The following ERCC6 variants were observed in gnomAD, a reference collection of about 807,000 sequenced individuals.
The protein encoded by ERCC6 is DNA excision repair protein ERCC-6.
ERCC6 carries 116 observed loss-of-function variants against 158.7 expected under a neutral mutation model. That is an observed-to-expected ratio of 0.73 (90% CI 0.63 to 0.85). The LOEUF is 0.85. ERCC6 is among the 40% of genes least tolerant of loss of function. The pLI is 0.00. For synonymous variants in ERCC6, 678 were observed against 659.3 expected, an observed-to-expected ratio of 1.03 and a Z score of -0.43; for missense variants, 1,698 against 1,799.4, an observed-to-expected ratio of 0.94 and a Z score of 1.02.
At chr10:49,525,181 T>C (rs4253042) in intron 4 of ERCC6, 41,981 of 217,030 alleles carry the variant, frequency 0.19, 4,942 homozygotes, top group South Asian at 0.33. Flanking sequence ...TCAGATGGAC[T>C]TAAATTCAAG....
intron 1 of ERCC6, among the ~76,000 whole-genome samples, chr10:49,538,567 C>T (rs1564449920): frequency 6.6e-6 from 1 of 152,212 alleles, no homozygotes; most frequent in Non-Finnish European, 1.5e-5. Context: ...CGCCCACACT[C>T]TTATCAATTT....
chr10:49,525,520 C>T (rs1456216509), intron 4 of ERCC6, among the ~76,000 whole-genome samples: 1 of 152,134 alleles, frequency 6.6e-6, no homozygotes, highest in Non-Finnish European at 1.5e-5. Flanking sequence ...CAGAAAGTAT[C>T]CCTCTTTCAT....
chr10:49,501,489 T>C (rs1440419703), intron 6 of ERCC6: 1 of 152,198 alleles, frequency 6.6e-6, no homozygotes, highest in East Asian at 1.9e-4. Flanking sequence ...AAAACAGAAG[T>C]TGATATTTTT....
intron 18 of ERCC6, among the ~76,000 whole-genome samples, chr10:49,468,964 C>T (rs1215737292): frequency 1.6e-5 from 2 of 123,580 alleles, no homozygotes; most frequent in African/African-American, 6.1e-5. Flanking sequence ...AATACCCCTA[C>T]TAATGGATTA....
chr10:49,513,077 C>CT (rs1836850445), intron 5 of ERCC6, among the ~76,000 whole-genome samples: 1 of 152,172 alleles, frequency 6.6e-6, no homozygotes, highest in South Asian at 2.1e-4. Flanking sequence ...AGCTAGTGGG[C>CT]ATGTAACAAG....
chr10:49,477,577 C>T (rs1372431051), intron 11 of ERCC6, among the ~76,000 whole-genome samples: 1 of 152,154 alleles, frequency 6.6e-6, no homozygotes, highest in Non-Finnish European at 1.5e-5. Flanking sequence ...CTTTCCAGGT[C>T]ACCCTACTCA....
chr10:49,469,832 GTTACT>G (rs1253676061), intron 18 of ERCC6, among the ~76,000 whole-genome samples: 1 of 152,130 alleles, frequency 6.6e-6, no homozygotes, highest in African/African-American at 2.4e-5. Flanking sequence ...CCCTTATGAT[GTTACT>G]TTAATCTCCT....
chr10:49,473,445 C>A, intron 14 of ERCC6, 32 bp downstream of exon 14: 1 of 1,340,652 alleles, frequency 7.5e-7, no homozygotes, highest in Non-Finnish European at 1.1e-6. Flanking sequence ...ACAGCAGCAC[C>A]ACTCAACTTC....
intron 10 of ERCC6, among the ~76,000 whole-genome samples, chr10:49,480,953 G>T (rs1850968121): frequency 6.6e-6 from 1 of 152,158 alleles, no homozygotes; most frequent in African/African-American, 2.4e-5. Flanking sequence ...GGAAACTACT[G>T]GAACTGACAA....
At chr10:49,513,115 T>C (rs1464148277) in intron 5 of ERCC6, among the ~76,000 whole-genome samples, 2 of 152,192 alleles carry the variant, frequency 1.3e-5, no homozygotes, top group Non-Finnish European at 2.9e-5. Context: ...GAGTGCCTGA[T>C]GTATGCCAAA....
At position 49,507,510 on chromosome 10, in the gene ERCC6, G is replaced by A. The variant is rs117820507; in HGVS notation, c.1398-1498C>T. 6.7e-3 allele frequency among the ~76,000 whole-genome samples: 1,020 copies of A among 152,028 alleles called. 4 individuals are homozygous for A. The highest frequency in any genetic ancestry group is 0.011 in the Non-Finnish European group (761 of 67,960). On this transcript the variant is annotated intron_variant, in intron 5 of 20. Transcript: ENST00000355832. The stretch of plus-strand genomic sequence containing the variant: ...AAAGGCAATCTCTTCTTCTCCACTG[G>A]TATTTTTTTTCCTTAAAAATTATCT...
At chr10:49,531,982 C>T (rs765965600) in intron 2 of ERCC6, among the ~76,000 whole-genome samples, 10 of 152,156 alleles carry the variant, frequency 6.6e-5, no homozygotes, top group Non-Finnish European at 1.3e-4. Flanking sequence ...CATTAACGTG[C>T]TATGCTCAAA....
chr10:49,520,188 G>A (rs994209942), intron 5 of ERCC6, among the ~76,000 whole-genome samples: 2 of 152,186 alleles, frequency 1.3e-5, no homozygotes, highest in African/African-American at 4.8e-5. Context: ...ACCTGACAGT[G>A]ATCAGAGCCA....
At chr10:49,535,513 G>A (rs1837575388) in intron 1 of ERCC6, among the ~76,000 whole-genome samples, 1 of 152,214 alleles carries the variant, frequency 6.6e-6, no homozygotes, top group South Asian at 2.1e-4. Context: ...CTTTCCAACA[G>A]AGAGAGCAGG....
intron 18 of ERCC6, among the ~76,000 whole-genome samples, chr10:49,466,446 G>A (rs1036255015): frequency 2.0e-5 from 3 of 152,198 alleles, no homozygotes; most frequent in Non-Finnish European, 4.4e-5. Context: ...GGAGACAACA[G>A]TATTCCCTCA....
chr10:49,535,461 G>A (rs1005003326), intron 1 of ERCC6, among the ~76,000 whole-genome samples: 1 of 152,106 alleles, frequency 6.6e-6, no homozygotes, highest in South Asian at 2.1e-4. Context: ...CTTCTTTTGG[G>A]GCCTGCTGAT....
chr10:49,502,903 A>T (rs1417777422), intron 6 of ERCC6: 4 of 152,170 alleles, frequency 2.6e-5, no homozygotes, highest in Non-Finnish European at 5.9e-5. Context: ...TGAACTGGCT[A>T]CACTAGAATA....
At chr10:49,515,124 G>C in intron 5 of ERCC6, 1 of 1,176,818 alleles carries the variant, frequency 8.5e-7, no homozygotes, top group Non-Finnish European at 1.1e-6. Context: ...ACCCATTTAT[G>C]TCTGAGGTTA....
downstream of ERCC6, among the ~76,000 whole-genome samples, chr10:49,452,287 T>A (rs148235175): frequency 6.6e-4 from 101 of 152,202 alleles, no homozygotes; most frequent in East Asian, 0.019. Flanking sequence ...AGTTTACTTG[T>A]GTCTTAATTT....
Sources: allele counts gnomAD v4.1 joint callset (sites outside exome capture counted in the v4.1 genomes callset), GRCh38; gene constraint gnomAD v4.1.1; transcripts MANE v1.5; gene names NCBI Gene and HGNC (gene_info 2026-07-23, HGNC 2026-07-21).